BANK1: variants seen among roughly 807,000 people sequenced by gnomAD.
The protein encoded by BANK1 is B cell scaffold protein with ankyrin repeats 1.
BANK1 carries 95 observed loss-of-function variants against 94.5 expected under a neutral mutation model. The ratio of observed to expected loss-of-function variants is 1.00; its 90% CI spans 0.85 to 1.19. BANK1 has a LOEUF of 1.19. Ranked by LOEUF, BANK1 falls within the 50% of genes most tolerant of loss-of-function variation. The pLI is 0.00. For missense variants in BANK1, 987 were observed against 932.2 expected (o/e 1.06, Z -0.77); for synonymous variants, 334 against 308.4 (o/e 1.08, Z -0.87).
chr4:101,883,826 A>G (rs1246013036), intron 5 of BANK1, among the ~76,000 whole-genome samples: 1 of 152,250 alleles, frequency 6.6e-6, no homozygotes, highest in Non-Finnish European at 1.5e-5. Flanking sequence ...CCATAATAAG[A>G]TAATTAGAGA....
intron 7 of BANK1, among the ~76,000 whole-genome samples, chr4:101,988,874 C>A (rs1363068881): frequency 1.3e-5 from 2 of 152,076 alleles, no homozygotes; most frequent in Non-Finnish European, 2.9e-5. Flanking sequence ...ATTAAGGAAG[C>A]ATCTTACATT....
chr4:101,852,493 TATATATATATAC>T (rs1467158094), intron 2 of BANK1, among the ~76,000 whole-genome samples: 12 of 111,758 alleles, frequency 1.1e-4, no homozygotes, highest in East Asian at 5.0e-4. Flanking sequence ...TATATATATA[TATATATATATAC>T]ACACACACAT....
intron 1 of BANK1, among the ~76,000 whole-genome samples, chr4:101,791,733 T>C (rs1262917377): frequency 6.6e-6 from 1 of 152,228 alleles, no homozygotes. Context: ...ATTTGCTGAA[T>C]AGAAATAAAT....
At chr4:101,901,747 C>A (rs527945502) in intron 6 of BANK1, among the ~76,000 whole-genome samples, 1 of 95,992 alleles carries the variant, frequency 1.0e-5, no homozygotes, top group African/African-American at 3.6e-5. Context: ...TATCTCCAGA[C>A]GCTTTTTGTT....
intron 3 of BANK1, among the ~76,000 whole-genome samples, chr4:101,859,280 T>C (rs1727786414): frequency 6.6e-6 from 1 of 152,224 alleles, no homozygotes; most frequent in African/African-American, 2.4e-5. Context: ...TGTCTCTTTC[T>C]TTTAAATAGG....
chr4:101,981,935 G>A (rs1725336909), intron 7 of BANK1: 1 of 152,128 alleles, frequency 6.6e-6, no homozygotes, highest in Admixed American at 6.6e-5. Context: ...GCTTTTTGAA[G>A]CTAAACTAGG....
chr4:101,895,534 C>A, intron 6 of BANK1, 124 bp downstream of exon 6: 1 of 583,008 alleles, frequency 1.7e-6, no homozygotes. Flanking sequence ...TTAGACAACT[C>A]CTGACTCCTG....
At chr4:101,823,070 T>C (rs577740752) in intron 1 of BANK1, among the ~76,000 whole-genome samples, 1 of 151,514 alleles carries the variant, frequency 6.6e-6, no homozygotes, top group African/African-American at 2.4e-5. Flanking sequence ...GCAGAAGCTG[T>C]TTAGTTTAAT....
intron 11 of BANK1, among the ~76,000 whole-genome samples, chr4:102,051,977 T>C (rs1279574609): frequency 6.6e-6 from 1 of 152,154 alleles, no homozygotes; most frequent in Non-Finnish European, 1.5e-5. Flanking sequence ...AATCCTGGGA[T>C]CTTGAGTTGC....
At chr4:101,994,055 C>T (rs1223261772) in intron 7 of BANK1, among the ~76,000 whole-genome samples, 1 of 152,216 alleles carries the variant, frequency 6.6e-6, no homozygotes, top group African/African-American at 2.4e-5. Context: ...TCGCACTGGG[C>T]TTCTGTTTCT....
intron 7 of BANK1, among the ~76,000 whole-genome samples, chr4:101,959,286 C>G (rs1231506876): frequency 6.6e-6 from 1 of 151,816 alleles, no homozygotes; most frequent in Non-Finnish European, 1.5e-5. Context: ...ATTACAGGTG[C>G]CTGCCACCAC....
chr4:102,062,806 TA>T, intron 12 of BANK1: 1 of 353,138 alleles, frequency 2.8e-6, no homozygotes, highest in South Asian at 3.8e-5. Flanking sequence ...CTACCACTTA[TA>T]ACTATGAATT....
In BANK1 at chr4:102,025,303, G is replaced by C. The variant is rs777691394; in HGVS notation, c.1388G>C (p.Gly463Ala). Residue 463 changes from glycine to alanine, a missense_variant, in exon 9 of 17, where the codon GGA (glycine) becomes GCA (alanine). By Grantham distance (60) the Gly-to-Ala change is moderately conservative. Coordinates refer to ENST00000322953, the MANE Select transcript of BANK1 (RefSeq NM_017935.5). ...ATGGAAGGGGAAGGAAAACAGAATG[G>C]ATCAGGCATGGAGACCAAACACAGC... is the stretch of plus-strand genomic sequence containing the variant. ...NEMEGEGKQN[G>A]SGMETKHSPL... 4 of 1,614,040 alleles carry C rather than the reference G, an allele frequency of 2.5e-6. No homozygotes were observed. Among genetic ancestry groups the C allele is most frequent in the Non-Finnish European group, 3.4e-6 (4 of 1,179,972 alleles).
intron 7 of BANK1, among the ~76,000 whole-genome samples, chr4:101,929,928 C>T (rs993366077): frequency 5.3e-5 from 8 of 151,358 alleles, no homozygotes; most frequent in African/African-American, 1.2e-4. Flanking sequence ...CTCAATATCA[C>T]GTTATATAAA....
intron 7 of BANK1, among the ~76,000 whole-genome samples, chr4:101,934,661 AC>A (rs1228209122): frequency 4.0e-5 from 6 of 151,528 alleles, no homozygotes; most frequent in African/African-American, 1.5e-4. Context: ...ACATAACCAA[AC>A]AAAAAGCCAA....
chr4:101,797,731 G>A (rs188656965), intron 1 of BANK1, among the ~76,000 whole-genome samples: 14 of 152,314 alleles, frequency 9.2e-5, no homozygotes, highest in Admixed American at 5.2e-4. Context: ...GGGAGGGCAT[G>A]AGAGAATGTC....
chr4:101,792,459 GTGTGTGTGTGT>G (rs1300078093), intron 1 of BANK1, among the ~76,000 whole-genome samples: 4 of 97,980 alleles, frequency 4.1e-5, no homozygotes, highest in Non-Finnish European at 9.8e-5. Context: ...GTGTGTGTGT[GTGTGTGTGTGT>G]TTTTTTTTTT....
intron 12 of BANK1, 65 bp from the exon 13 acceptor site, chr4:102,063,010 T>C (rs372402527): frequency 7.8e-5 from 100 of 1,281,836 alleles, no homozygotes; most frequent in Middle Eastern, 3.9e-4. Flanking sequence ...TAGTAGTTGA[T>C]GTTTTCATCT....
chr4:101,916,945 G>A (rs773009656), intron 6 of BANK1, among the ~76,000 whole-genome samples: 16 of 152,064 alleles, frequency 1.1e-4, no homozygotes, highest in Non-Finnish European at 2.1e-4. Context: ...TTAAACACAT[G>A]CTAAACGTTT....
Sources: gnomAD v4.1 joint callset for allele counts (sites outside exome capture counted in the v4.1 genomes callset) on GRCh38, gnomAD v4.1.1 for gene constraint, MANE v1.5 for transcripts, NCBI Gene and HGNC (gene_info 2026-07-23, HGNC 2026-07-21) for gene names.